The following HIVEP2 variants were observed in gnomAD, a reference collection of about 807,000 sequenced individuals.
The protein encoded by HIVEP2 is HIVEP zinc finger 2.
HIVEP2 carries 14 observed loss-of-function variants against 180.7 expected under a neutral mutation model. The observed-to-expected ratio is 0.08, with a 90% CI of 0.05 to 0.12. The LOEUF is 0.12. HIVEP2 is among the 10% of genes least tolerant of loss of function. The pLI is 1.00. For missense variants in HIVEP2, 2,579 were observed against 3,008.5 expected (o/e 0.86, Z 3.34); for synonymous variants, 1,184 against 1,136.4 (o/e 1.04, Z -0.84).
At chr6:142,781,764 T>C (rs935765644) in intron 3 of HIVEP2, among the ~76,000 whole-genome samples, 1 of 152,188 alleles carries the variant, frequency 6.6e-6, no homozygotes, top group Non-Finnish European at 1.5e-5. Flanking sequence ...CCCAGTTAAA[T>C]AATTTCCCCA....
intron 1 of HIVEP2, among the ~76,000 whole-genome samples, chr6:142,897,811 A>G (rs1440424480): frequency 6.6e-6 from 1 of 152,188 alleles, no homozygotes; most frequent in African/African-American, 2.4e-5. Context: ...ACACAATTTT[A>G]AAATCTGGAT....
intron 2 of HIVEP2, among the ~76,000 whole-genome samples, chr6:142,812,860 G>C (rs1001601415): frequency 6.6e-6 from 1 of 152,106 alleles, no homozygotes; most frequent in African/African-American, 2.4e-5. Flanking sequence ...AGACATTAAG[G>C]CAGATAATAC....
Position 142,759,988 on chromosome 6 carries a change from C to T in HIVEP2, c.6300G>A (p.Met2100Ile), listed in dbSNP as rs759420075. 6.2e-7 allele frequency: 1 copy of T among 1,613,978 alleles called. No homozygotes were observed. Among genetic ancestry groups the T allele is most frequent in the South Asian group, 1.1e-5 (1 of 91,052 alleles). The change falls in exon 9 of 10, where the codon ATG becomes ATA. Residue 2100 changes from methionine (M) to isoleucine (I), a missense_variant. By Grantham distance (10) the Met-to-Ile change is conservative. Transcript: ENST00000367603. ...PRKEAALRREMSQRDVSPRRH... is the reference protein window; with the variant it reads ...PRKEAALRREISQRDVSPRRH... Reference sequence around the variant, plus strand: ...TTCTTGGTGAAACATCTCTTTGGGACATCTCTCTTCTCAATGCAGCTTCCT... The same window carrying T: ...TTCTTGGTGAAACATCTCTTTGGGATATCTCTCTTCTCAATGCAGCTTCCT...
chr6:142,791,392 T>G (rs1485461380), intron 2 of HIVEP2, among the ~76,000 whole-genome samples: 2 of 152,154 alleles, frequency 1.3e-5, no homozygotes, highest in Non-Finnish European at 2.9e-5. Context: ...AGATAAAGAT[T>G]TATTATTAAC....
intron 1 of HIVEP2, among the ~76,000 whole-genome samples, chr6:142,883,388 A>T (rs924157826): frequency 1.7e-4 from 26 of 152,026 alleles, no homozygotes; most frequent in Non-Finnish European, 7.4e-5. Flanking sequence ...TCCTGACTCA[A>T]TTCAAATAGT....
intron 3 of HIVEP2, among the ~76,000 whole-genome samples, chr6:142,782,835 T>C (rs1775890440): frequency 6.6e-6 from 1 of 152,238 alleles, no homozygotes; most frequent in Admixed American, 6.5e-5. Flanking sequence ...TATTTATGAC[T>C]TATTTTGGCT....
chr6:142,773,704 A>C lies in HIVEP2; in HGVS notation c.1035T>G (p.Ile345Met), dbSNP rs200385041. Residue 345 changes from isoleucine to methionine, a missense_variant, in exon 5 of 10, where the codon ATT becomes ATG. By Grantham distance (10) the Ile-to-Met change is conservative (BLOSUM62 1). Transcript: ENST00000367603. ...IPLPNESSQY[I>M]GPDMLPNPSL... is the part of the protein sequence containing the mutation. The stretch of plus-strand genomic sequence containing the variant: ...ATGGATTTGGTAGCATATCAGGGCC[A>C]ATATACTGAGAGCTTTCATTAGGGA... 173 of 1,614,030 alleles carry C rather than the reference A, an allele frequency of 1.1e-4. No homozygotes were observed. The highest frequency in any genetic ancestry group is 2.7e-5 in the Non-Finnish European group (32 of 1,180,008).
Position 142,769,855 on chromosome 6 carries a change from G to A in HIVEP2, c.4884C>T (p.Asp1628=). 2 of 1,614,176 alleles carry A rather than the reference G, an allele frequency of 1.2e-6. No individual in the cohort carries two copies. Among genetic ancestry groups the A allele is most frequent in the Non-Finnish European group, 1.7e-6 (2 of 1,180,038 alleles). ...NVADSTLLLT[D]MADFQQILQF... is the part of the protein sequence containing the mutation. ...GAAGAATCTGCTGGAAATCTGCCAT[G>A]TCCGTGAGAAGAAGAGTTGAGTCTG... is the stretch of plus-strand genomic sequence containing the variant. The change falls in exon 5 of 10, where the codon GAC becomes GAT. Residue 1628 remains aspartate, a synonymous_variant. Coordinates refer to ENST00000367603, the MANE Select transcript of HIVEP2 (RefSeq NM_006734.4).
intron 2 of HIVEP2, among the ~76,000 whole-genome samples, chr6:142,824,741 T>C (rs1404517181): frequency 1.3e-5 from 2 of 152,170 alleles, no homozygotes; most frequent in Admixed American, 1.3e-4. Context: ...ACACCCTTAA[T>C]TGACCAACTT....
At chr6:142,791,651 T>C (rs769951218) in intron 2 of HIVEP2, among the ~76,000 whole-genome samples, 2 of 152,226 alleles carry the variant, frequency 1.3e-5, no homozygotes, top group Non-Finnish European at 2.9e-5. Flanking sequence ...ACTAATGTGA[T>C]GAAATAAAAC....
intron 7 of HIVEP2, among the ~76,000 whole-genome samples, chr6:142,763,083 A>G (rs1582833908): frequency 6.6e-6 from 1 of 152,324 alleles, no homozygotes; most frequent in South Asian, 2.1e-4. Context: ...AGATTTTAGT[A>G]TGTGTTTCTT....
At chr6:142,815,850 C>T (rs567210922) in intron 2 of HIVEP2, among the ~76,000 whole-genome samples, 53 of 152,284 alleles carry the variant, frequency 3.5e-4, no homozygotes, top group Non-Finnish European at 6.6e-4. Flanking sequence ...ATAAGAACTG[C>T]GTCTTATAAT....
chr6:142,777,790 A>T (rs1182779838), intron 3 of HIVEP2, among the ~76,000 whole-genome samples: 1 of 151,642 alleles, frequency 6.6e-6, no homozygotes, highest in African/African-American at 2.4e-5. Context: ...TAACATGAGC[A>T]TGTTTATCTT....
intron 1 of HIVEP2, among the ~76,000 whole-genome samples, chr6:142,895,397 G>A (rs1178690462): frequency 6.6e-6 from 1 of 151,848 alleles, no homozygotes. Flanking sequence ...AGGATGGTAT[G>A]TATAGCAATC....
chr6:142,911,615 G>C lies in HIVEP2; in HGVS notation c.-641+33484C>G, dbSNP rs759180622. The stretch of plus-strand genomic sequence containing the variant: ...AGGGTTCTTATTATAGGACAAAGCT[G>C]GTCCTTTCCTTCCATCAGGGACTCT... On this transcript the variant is annotated intron_variant, in intron 1 of 9. Transcript: ENST00000367603. Among the ~76,000 whole-genome samples the C allele has an allele frequency of 9.7e-4, 147 of 152,286 alleles. 1 individual carries two copies. The highest frequency in any genetic ancestry group is 1.6e-3 in the Non-Finnish European group (112 of 68,024).
chr6:142,768,038 T>A (rs912952600), intron 6 of HIVEP2, among the ~76,000 whole-genome samples: 1 of 152,196 alleles, frequency 6.6e-6, no homozygotes, highest in African/African-American at 2.4e-5. Flanking sequence ...TAAAAATATG[T>A]CCGTCAATAA....
chr6:142,821,578 G>T (rs1777039602), intron 2 of HIVEP2, among the ~76,000 whole-genome samples: 1 of 152,124 alleles, frequency 6.6e-6, no homozygotes. Flanking sequence ...TTTAAAAATG[G>T]CACGAGGAAG....
At chr6:142,826,058 A>T (rs771941098) in intron 2 of HIVEP2, among the ~76,000 whole-genome samples, 1 of 152,348 alleles carries the variant, frequency 6.6e-6, no homozygotes, top group Admixed American at 6.5e-5. Flanking sequence ...AAGTGAACAG[A>T]TCTTCCACGC....
intron 2 of HIVEP2, among the ~76,000 whole-genome samples, chr6:142,829,820 G>T (rs1389315219): frequency 6.6e-6 from 1 of 152,228 alleles, no homozygotes; most frequent in Non-Finnish European, 1.5e-5. Context: ...TAAGGATGAT[G>T]ACAGAATCAA....
Sources: gnomAD v4.1 joint callset for allele counts (sites outside exome capture counted in the v4.1 genomes callset) on GRCh38, gnomAD v4.1.1 for gene constraint, MANE v1.5 for transcripts, NCBI Gene and HGNC (gene_info 2026-07-23, HGNC 2026-07-21) for gene names.